Variants in ZNF418 observed in about 807,000 individuals in gnomAD.
The protein encoded by ZNF418 is zinc finger protein 418.
In ZNF418, 32 loss-of-function variants were observed where a neutral mutation model predicts 32.0. The observed-to-expected ratio is 1.00, with a 90% CI of 0.75 to 1.34. The LOEUF is 1.34. Ranked by LOEUF, ZNF418 falls within the 40% of genes most tolerant of loss-of-function variation. The probability of loss-of-function intolerance (pLI) is 0.00; values close to 1 mark genes in which losing one functional copy is unlikely to be tolerated. For missense variants in ZNF418, 804 were observed against 812.5 expected (o/e 0.99, Z 0.13); for synonymous variants, 276 against 270.7 (o/e 1.02, Z -0.19).
At chr19:57,923,625 A>G (rs1306727085) in intron 4 of ZNF418, among the ~76,000 whole-genome samples, 1 of 151,630 alleles carries the variant, frequency 6.6e-6, no homozygotes, top group East Asian at 1.9e-4. Flanking sequence ...CCCAGGCTGG[A>G]GTACAGTGGT....
rs1315252666 is a variant in ZNF418, at chr19:57,930,426, A to G, written c.133+2T>C. On this transcript the variant is annotated splice_donor_variant, in intron 3 of 5. Transcript: ENST00000396147. LOFTEE classifies it high-confidence loss of function. ...AAATAGGGTAGGGTGTGAGGAACTTACCCAGGGAGGATATAAGTACCCAGT... is the reference window on the plus strand; with the variant it reads ...AAATAGGGTAGGGTGTGAGGAACTTGCCCAGGGAGGATATAAGTACCCAGT... 20 of 1,613,956 alleles carry G rather than the reference A, an allele frequency of 1.2e-5. No homozygotes were observed. The highest frequency in any genetic ancestry group is 1.7e-5 in the Non-Finnish European group (20 of 1,180,008).
chr19:57,934,275 G>A (rs1045065249), intron 1 of ZNF418: 2 of 992,026 alleles, frequency 2.0e-6, no homozygotes, highest in Non-Finnish European at 2.4e-6. Flanking sequence ...GCCCAGGCCG[G>A]AGTGCAATGG....
At chr19:57,930,899 C>T (rs1213117515) in intron 2 of ZNF418, among the ~76,000 whole-genome samples, 1 of 152,120 alleles carries the variant, frequency 6.6e-6, no homozygotes, top group African/African-American at 2.4e-5. Flanking sequence ...GCCTCAGCCG[C>T]CCGAGTAGCT....
rs1198562570 is a variant in ZNF418, at chr19:57,935,068, C to G, written c.-81+93G>C. On this transcript the variant is annotated intron_variant, in intron 1 of 5. Coordinates refer to ENST00000396147, the MANE Select transcript of ZNF418 (RefSeq NM_133460.3). ...CGCCTCAGTGTCCCGACGCCGGGTC[C>G]GGGCTGCAGACCTGTGAACAGTCGC... 2.2e-6 allele frequency: 3 copies of G among 1,337,164 alleles called. No homozygotes were observed. In the South Asian group the frequency reaches 4.3e-5, roughly 19 times the overall value. The allele number at this position is 1,337,164 out of a possible 1,614,324, so 82.8% of individuals were successfully genotyped here. A position where few individuals can be genotyped will look rare whatever the true frequency, so the allele number is the denominator to read the frequency against.
intron 1 of ZNF418, 187 bp downstream of exon 1, chr19:57,934,974 C>T: frequency 7.1e-7 from 1 of 1,409,226 alleles, no homozygotes; most frequent in South Asian, 1.3e-5. Flanking sequence ...TAGCCCGCGC[C>T]GGTCCCTGTG....
At chr19:57,932,462 A>G in intron 2 of ZNF418, 2 of 1,535,512 alleles carry the variant, frequency 1.3e-6, no homozygotes, top group Non-Finnish European at 1.7e-6. Flanking sequence ...ATAGCAATGC[A>G]GTCCCAAGTC....
At position 57,925,773 on chromosome 19, in the gene ZNF418, G is replaced by T. The variant is rs1382369698; in HGVS notation, c.*377C>A. ...TCATGTCTGGCAAGGGAACCCGGCA[G>T]GGTGAAAAATGCCACACAGCTCCAA... On this transcript the variant is annotated 3_prime_UTR_variant, in exon 4 of 6. Coordinates refer to ENST00000396147, the MANE Select transcript of ZNF418 (RefSeq NM_133460.3). 5.2e-6 allele frequency: 1 copy of T among 191,444 alleles called. No individual in the cohort carries two copies. The highest frequency in any genetic ancestry group is 1.1e-5 in the Non-Finnish European group (1 of 91,870). 11.9% of individuals were successfully genotyped at this position (191,444 alleles called of 1,614,324 possible). A position where few individuals can be genotyped will look rare whatever the true frequency, so the allele number is the denominator to read the frequency against.
At chr19:57,925,029 T>C (rs1180467771) in intron 4 of ZNF418, among the ~76,000 whole-genome samples, 1 of 152,174 alleles carries the variant, frequency 6.6e-6, no homozygotes, top group Admixed American at 6.5e-5. Flanking sequence ...CAGAACCCAG[T>C]TGTTTCCAAA....
chr19:57,928,752 G>C (rs551968963), intron 3 of ZNF418, among the ~76,000 whole-genome samples: 157 of 152,148 alleles, frequency 1.0e-3, no homozygotes, highest in African/African-American at 3.5e-3. Flanking sequence ...CCAGCACTTT[G>C]GGAGGCCAAG....
chr19:57,925,377 CG>C (rs2072173825), intron 4 of ZNF418, among the ~76,000 whole-genome samples: 1 of 151,536 alleles, frequency 6.6e-6, no homozygotes, highest in Non-Finnish European at 1.5e-5. Context: ...AGGAGAATGG[CG>C]TGAACCCGGG....
At chr19:57,934,045 T>G (rs901373473) in intron 1 of ZNF418, 143 bp from the exon 2 acceptor site, 4 of 1,457,142 alleles carry the variant, frequency 2.7e-6, no homozygotes, top group African/African-American at 2.8e-5. Flanking sequence ...TTGACAGAAA[T>G]GGGAATACCT....
rs1600191433 is a variant in ZNF418 at position 57,935,348 on chromosome 19, G to C, written c.-268C>G. On this transcript the variant is annotated 5_prime_UTR_variant, in exon 1 of 6. Transcript: ENST00000396147. ...AGCGCCTCTCACCTCACAAACCGCA[G>C]AAACACACCCAACATTAACCAAAAT... The C allele has an allele frequency of 1.9e-6, 1 of 530,608 alleles. No homozygotes were observed. The allele number at this position is 530,608 out of a possible 1,614,324, so 32.9% of individuals were successfully genotyped here. A position where few individuals can be genotyped will look rare whatever the true frequency, so the allele number is the denominator to read the frequency against.
At chr19:57,929,748 T>A (rs2072404971) in intron 3 of ZNF418, among the ~76,000 whole-genome samples, 1 of 151,864 alleles carries the variant, frequency 6.6e-6, no homozygotes, top group African/African-American at 2.4e-5. Flanking sequence ...AGTGGTGCGA[T>A]CTCAGCTCAC....
intron 2 of ZNF418, among the ~76,000 whole-genome samples, chr19:57,931,611 C>G (rs951558259): frequency 2.0e-5 from 3 of 152,190 alleles, no homozygotes; most frequent in African/African-American, 7.2e-5. Flanking sequence ...GTTTTGGTTT[C>G]TTTTAGTCAG....
Position 57,926,189 on chromosome 19 carries a change from T to A in ZNF418, c.1992A>T (p.Arg664=). 4 of 1,613,892 alleles carry A rather than the reference T, an allele frequency of 2.5e-6. No individual in the cohort carries two copies. The highest frequency in any genetic ancestry group is 3.4e-6 in the Non-Finnish European group (4 of 1,179,784). ...TTCTTTCTGTGTGAACTCTCTGATG[T>A]CGAAGGAGAGAAGAGCTTCGATGAA... ...KSFHRSSSLL[R]HQRVHTERSP... is the part of the protein sequence containing the mutation. The change falls in exon 4 of 6, where the codon CGA becomes CGT. Residue 664 remains arginine, a synonymous_variant. Coordinates refer to ENST00000396147, the MANE Select transcript of ZNF418 (RefSeq NM_133460.3).
intron 2 of ZNF418, 127 bp downstream of exon 2, chr19:57,933,690 C>T (rs2072571451): frequency 7.9e-7 from 1 of 1,260,732 alleles, no homozygotes; most frequent in Non-Finnish European, 1.1e-6. Context: ...CACTGCACTC[C>T]AGCCTGGGCG....
At position 57,926,468 on chromosome 19, in the gene ZNF418, A is replaced by C. The variant is rs1372520309; in HGVS notation, c.1713T>G (p.Cys571Trp). The C allele has an allele frequency of 6.2e-7, 1 of 1,612,734 alleles. No homozygotes were observed. Among genetic ancestry groups the C allele is most frequent in the South Asian group, 1.1e-5 (1 of 90,992 alleles). The part of the protein sequence containing the change: ...TAERPYECRE[C>W]GKFFSSLLEH... Reference sequence around the variant, plus strand: ...CAAGGAGACTGGAGAAGAATTTCCCACATTCTCTGCACTCATAAGGTCTTT... The same window carrying C: ...CAAGGAGACTGGAGAAGAATTTCCCCCATTCTCTGCACTCATAAGGTCTTT... The change falls in exon 4 of 6, where the codon TGT (cysteine) becomes TGG (tryptophan). Residue 571 changes from cysteine (C) to tryptophan (W), a missense_variant. Cys to Trp is a radical substitution (Grantham distance 215). Around this residue, in one of 3 missense-constraint regions of ZNF418, gnomAD observed 475 missense variants for 458.6 expected, o/e 1.04. Transcript: ENST00000396147.
intron 4 of ZNF418, among the ~76,000 whole-genome samples, chr19:57,925,264 T>G (rs1331437161): frequency 1.3e-5 from 2 of 151,930 alleles, no homozygotes; most frequent in African/African-American, 4.8e-5. Flanking sequence ...ATCGAGACCA[T>G]CCTGGCTAAC....
intron 3 of ZNF418, 103 bp downstream of exon 3, chr19:57,930,325 T>TG: frequency 6.4e-7 from 1 of 1,563,726 alleles, no homozygotes; most frequent in Non-Finnish European, 8.8e-7. Flanking sequence ...AGAAGGAAGC[T>TG]GTGCCCATGG....
Sources: gnomAD v4.1 joint callset for allele counts (sites outside exome capture counted in the v4.1 genomes callset) on GRCh38, gnomAD v4.1.1 for gene constraint, gnomAD v4.1.1 regional missense constraint, MANE v1.5 for transcripts, NCBI Gene and HGNC (gene_info 2026-07-23, HGNC 2026-07-21) for gene names.